The following ZEB1 variants were observed in gnomAD, a reference collection of about 807,000 sequenced individuals.
ZEB1 encodes the protein zinc finger E-box-binding homeobox 1.
A neutral mutation model predicts 84.9 loss-of-function variants in ZEB1; 21 were observed. The ratio of observed to expected loss-of-function variants is 0.25; its 90% CI spans 0.18 to 0.36. ZEB1 has a LOEUF of 0.36. Among genes scored for constraint, ZEB1 ranks in the 10% least tolerant of loss-of-function variants. The pLI, the probability that ZEB1 is intolerant of heterozygous loss-of-function variation, is 1.00. For synonymous variants in ZEB1, 420 were observed against 471.1 expected, an observed-to-expected ratio of 0.89 and a Z score of 1.41; for missense variants, 1,104 against 1,330.2, an observed-to-expected ratio of 0.83 and a Z score of 2.65.
Position 31,510,797 on chromosome 10 carries a change from C to T in ZEB1, c.609C>T (p.Cys203=). ...AAAAGAATGAAGATAACTTTAGTTG[C>T]TCCCTGTGCAGTTACACCTTTGCAT... ...RHEKNEDNFS[C]SLCSYTFAYR... The change falls in exon 5 of 9, where the codon TGC becomes TGT. Residue 203 remains cysteine (C), a synonymous_variant. Coordinates refer to ENST00000424869, the MANE Select transcript of ZEB1 (RefSeq NM_001174096.2). 5 of 1,613,942 alleles carry T rather than the reference C, an allele frequency of 3.1e-6. No homozygotes were observed. The highest frequency in any genetic ancestry group is 1.7e-5 in the Admixed American group (1 of 60,030).
chr10:31,447,417 T>G (rs1381591679), intron 1 of ZEB1, among the ~76,000 whole-genome samples: 18 of 129,718 alleles, frequency 1.4e-4, no homozygotes, highest in African/African-American at 5.1e-4. Context: ...CATTTACATT[T>G]AAAGTTAATA....
intron 1 of ZEB1, among the ~76,000 whole-genome samples, chr10:31,354,031 T>G (rs982700489): frequency 1.3e-5 from 2 of 152,196 alleles, no homozygotes; most frequent in African/African-American, 4.8e-5. Context: ...GATATTAGAA[T>G]TAGTTTCTCA....
chr10:31,378,633 A>C (rs993838280), intron 1 of ZEB1, among the ~76,000 whole-genome samples: 1 of 151,860 alleles, frequency 6.6e-6, no homozygotes, highest in African/African-American at 2.4e-5. Flanking sequence ...GTAAAGAAAA[A>C]CTTTTTTTTC....
intron 2 of ZEB1, among the ~76,000 whole-genome samples, chr10:31,463,701 T>C (rs2062058657): frequency 6.6e-6 from 1 of 152,234 alleles, no homozygotes; most frequent in African/African-American, 2.4e-5. Context: ...TGTCTCGCAC[T>C]GATTTGAAGT....
chr10:31,526,127 A>C (rs1364688161), intron 8 of ZEB1, among the ~76,000 whole-genome samples: 4 of 152,252 alleles, frequency 2.6e-5, no homozygotes, highest in Non-Finnish European at 4.4e-5. Context: ...GGGGCAAAAA[A>C]GTCTGAGATA....
intron 2 of ZEB1, among the ~76,000 whole-genome samples, chr10:31,477,331 T>C (rs2064357601): frequency 6.6e-6 from 1 of 151,768 alleles, no homozygotes; most frequent in Non-Finnish European, 1.5e-5. Flanking sequence ...TAGGAATACA[T>C]TGAACCAAAG....
At chr10:31,319,205 C>T (rs2032954761), upstream of ZEB1, 1 of 1,586,338 alleles carries the variant, frequency 6.3e-7, no homozygotes, top group Non-Finnish European at 8.6e-7. Context: ...GAGGAGGTGA[C>T]TCGAGCATTT....
At chr10:31,343,936 G>A (rs748086079) in intron 1 of ZEB1, among the ~76,000 whole-genome samples, 1 of 152,018 alleles carries the variant, frequency 6.6e-6, no homozygotes, top group Non-Finnish European at 1.5e-5. Flanking sequence ...GGGTCAATTT[G>A]GCATAATCCC....
chr10:31,402,327 C>G (rs2135511359), intron 1 of ZEB1, among the ~76,000 whole-genome samples: 1 of 151,974 alleles, frequency 6.6e-6, no homozygotes, highest in East Asian at 1.9e-4. Flanking sequence ...AAATGTTTGT[C>G]TAAGATTACT....
intron 1 of ZEB1, among the ~76,000 whole-genome samples, chr10:31,409,052 A>G (rs1045076894): frequency 1.8e-4 from 28 of 152,350 alleles, no homozygotes; most frequent in Non-Finnish European, 3.8e-4. Context: ...TTTACAAGAA[A>G]AAAACATACA....
intron 1 of ZEB1, chr10:31,387,323 GT>G: frequency 1.0e-6 from 1 of 985,444 alleles, no homozygotes; most frequent in Non-Finnish European, 1.2e-6. Flanking sequence ...CCTAAGACTG[GT>G]TTTGGAATGC....
Position 31,461,026 on chromosome 10 carries a change from T to C in ZEB1, c.59-11T>C, listed in dbSNP as rs770647389. 5 of 1,605,430 alleles carry C rather than the reference T, an allele frequency of 3.1e-6. No homozygotes were observed. The Admixed American group carries it at 8.4e-5, about 27-fold the overall frequency. ...TTGGTTTTGATTATTTGTTTCTTGT[T>C]TGTATTACAGTTACAAATTATAATA... On this transcript the variant is annotated splice_polypyrimidine_tract_variant and intron_variant, in intron 1 of 8. Transcript: ENST00000424869.
rs1287365253 is a variant in ZEB1, at chr10:31,461,200, A to G, written c.222A>G (p.Glu74=). Residue 74 remains glutamate, a synonymous_variant, in exon 2 of 9, where the codon GAA becomes GAG. Coordinates refer to ENST00000424869, the MANE Select transcript of ZEB1 (RefSeq NM_001174096.2). Reference sequence around the variant, plus strand: ...CAGTGTTACCAGGGAGGAGCAGTGAAAGAGAAGGGAATGCTAAGAACTGCT... The same window carrying G: ...CAGTGTTACCAGGGAGGAGCAGTGAGAGAGAAGGGAATGCTAAGAACTGCT... ...DQTVLPGRSS[E]REGNAKNCWE... is the part of the protein sequence containing the mutation. 28 of 1,613,290 alleles carry G rather than the reference A, an allele frequency of 1.7e-5. No individual in the cohort carries two copies. The highest frequency in any genetic ancestry group is 2.2e-5 in the Non-Finnish European group (26 of 1,179,634).
chr10:31,486,500 G>A (rs908544320), intron 2 of ZEB1, among the ~76,000 whole-genome samples: 5 of 150,804 alleles, frequency 3.3e-5, no homozygotes, highest in South Asian at 4.2e-4. Flanking sequence ...TTTATCATGT[G>A]TTTATTATGT....
chr10:31,409,974 C>T (rs1396035262), intron 1 of ZEB1, among the ~76,000 whole-genome samples: 1 of 152,194 alleles, frequency 6.6e-6, no homozygotes, highest in Non-Finnish European at 1.5e-5. Flanking sequence ...ATTTGACTTC[C>T]CCTCTTCCTA....
chr10:31,328,981 A>C (rs1193365605), intron 1 of ZEB1, among the ~76,000 whole-genome samples: 4 of 151,804 alleles, frequency 2.6e-5, no homozygotes, highest in African/African-American at 9.7e-5. Context: ...GCCAAAAGTT[A>C]AAACCATACC....
chr10:31,342,133 G>T lies in ZEB1; in HGVS notation c.58+22841G>T, dbSNP rs574079242. On this transcript the variant is annotated intron_variant, in intron 1 of 8. Transcript: ENST00000424869. Reference sequence around the variant, plus strand: ...TGTAAGTTCCATAAGAGCAAGGTGGGTATGCTTTGTTGTCTGTGCTATTCT... The same window carrying T: ...TGTAAGTTCCATAAGAGCAAGGTGGTTATGCTTTGTTGTCTGTGCTATTCT... Among the ~76,000 whole-genome samples the T allele has an allele frequency of 2.0e-5, 3 of 152,300 alleles. No homozygotes were observed. The East Asian group carries it at 5.8e-4, about 29-fold the overall frequency.
upstream of ZEB1, chr10:31,319,212 A>AT (rs781073238): frequency 6.3e-7 from 1 of 1,597,612 alleles, no homozygotes; most frequent in South Asian, 1.1e-5. Context: ...TGACTCGAGC[A>AT]TTTAGACACA....
chr10:31,325,428 A>G (rs2035246752), intron 1 of ZEB1, among the ~76,000 whole-genome samples: 1 of 152,038 alleles, frequency 6.6e-6, no homozygotes, highest in African/African-American at 2.4e-5. Context: ...CGTTCCCTCT[A>G]TACATAGGGA....
Sources: allele counts gnomAD v4.1 joint callset (sites outside exome capture counted in the v4.1 genomes callset), GRCh38; gene constraint gnomAD v4.1.1; transcripts MANE v1.5; gene names NCBI Gene and HGNC (gene_info 2026-07-23, HGNC 2026-07-21).